DENND5A: variants seen among roughly 807,000 people sequenced by gnomAD.
DENND5A encodes DENN domain-containing protein 5A.
In DENND5A, 64 loss-of-function variants were observed where a neutral mutation model predicts 140.3. The ratio of observed to expected loss-of-function variants is 0.46; its 90% CI spans 0.37 to 0.56. The LOEUF is 0.56. Among genes scored for constraint, DENND5A ranks in the 20% least tolerant of loss-of-function variants. The pLI is 0.00. For missense variants in DENND5A, 1,292 were observed against 1,593.8 expected, an observed-to-expected ratio of 0.81 and a Z score of 3.22; for synonymous variants, 605 against 607.7, an observed-to-expected ratio of 1.00 and a Z score of 0.07.
At chr11:9,157,379 A>G (rs1248642441) in intron 12 of DENND5A, among the ~76,000 whole-genome samples, 1 of 152,184 alleles carries the variant, frequency 6.6e-6, no homozygotes, top group Non-Finnish European at 1.5e-5. Context: ...AGTTTGTTAT[A>G]TAGGTAAACT....
At chr11:9,248,456 G>C (rs144566839) in intron 1 of DENND5A, among the ~76,000 whole-genome samples, 2 of 151,888 alleles carry the variant, frequency 1.3e-5, no homozygotes, top group African/African-American at 2.4e-5. Flanking sequence ...TTCAAGACCA[G>C]CCTGGGCAAC....
intron 11 of DENND5A, 121 bp from the exon 12 acceptor site, chr11:9,160,986 C>G: frequency 1.1e-6 from 1 of 936,004 alleles, no homozygotes; most frequent in Non-Finnish European, 1.6e-6. Flanking sequence ...GATGAATTAG[C>G]CCCAAGGACA....
intron 12 of DENND5A, among the ~76,000 whole-genome samples, chr11:9,153,903 G>A (rs553629046): frequency 1.6e-4 from 25 of 152,288 alleles, no homozygotes; most frequent in Admixed American, 1.4e-3. Flanking sequence ...AATTCACCTG[G>A]GTAATGAGTG....
intron 1 of DENND5A, among the ~76,000 whole-genome samples, chr11:9,249,412 C>A (rs1430754357): frequency 1.3e-5 from 2 of 152,264 alleles, no homozygotes; most frequent in South Asian, 2.1e-4. Flanking sequence ...GCTGCCCAGG[C>A]TGGAATGCAG....
intron 12 of DENND5A, among the ~76,000 whole-genome samples, chr11:9,155,668 T>C: frequency 6.6e-6 from 1 of 152,238 alleles, no homozygotes. Context: ...TCTACAAGAA[T>C]GTCATAAGCA....
chr11:9,169,144 A>G (rs1217908269), intron 10 of DENND5A, among the ~76,000 whole-genome samples: 2 of 152,174 alleles, frequency 1.3e-5, no homozygotes, highest in East Asian at 3.8e-4. Flanking sequence ...AAAAAACTCT[A>G]ACAAAATTAA....
chr11:9,147,944 G>A (rs568520844), intron 15 of DENND5A, among the ~76,000 whole-genome samples: 7 of 152,284 alleles, frequency 4.6e-5, no homozygotes, highest in African/African-American at 1.4e-4. Flanking sequence ...GGCCAGACGG[G>A]TACAGAATTC....
chr11:9,139,842 T>A lies in DENND5A; in HGVS notation c.3693A>T (p.Leu1231=), dbSNP rs1847177042. The A allele has an allele frequency of 6.2e-7, 1 of 1,613,832 alleles. No individual in the cohort carries two copies. The highest frequency in any genetic ancestry group is 1.7e-5 in the Admixed American group (1 of 59,996). ...LVCLGARDHL[L]HHWIALLADC... Reference sequence around the variant, plus strand: ...CAGCCAGCAGGGCAATCCAGTGGTGTAGGAGGTGATCTCTGGCAGAGCGGG... The same window carrying A: ...CAGCCAGCAGGGCAATCCAGTGGTGAAGGAGGTGATCTCTGGCAGAGCGGG... The change falls in exon 23 of 23, where the codon CTA becomes CTT. Residue 1231 remains leucine, a synonymous_variant. Transcript: ENST00000328194.
At chr11:9,233,920 G>A (rs1273214767) in intron 1 of DENND5A, among the ~76,000 whole-genome samples, 12 of 152,188 alleles carry the variant, frequency 7.9e-5, no homozygotes, top group South Asian at 2.1e-4. Context: ...GCTCAGGCCT[G>A]TAATCCCAGC....
In DENND5A at chr11:9,147,066, C is replaced by T. The variant is rs755714912; in HGVS notation, c.2821G>A (p.Asp941Asn). ...AAGACATTGGTGAAGCAAAAGTAAT[C>T]GACGGCATTGAAAGACAGGAGGTGA... ...LYHLLSFNAV[D>N]YFCFTNVFTT... is the part of the protein sequence containing the mutation. Residue 941 changes from aspartate (D) to asparagine (N), a missense_variant, in exon 16 of 23, where the codon GAT becomes AAT. Around this residue, in one of 4 missense-constraint regions of DENND5A, gnomAD observed 498 missense variants for 689.7 expected, o/e 0.72. Coordinates refer to ENST00000328194, the MANE Select transcript of DENND5A (RefSeq NM_015213.4). 2.5e-6 allele frequency: 4 copies of T among 1,614,106 alleles called. No homozygotes were observed. The highest frequency in any genetic ancestry group is 2.2e-5 in the East Asian group (1 of 44,888).
intron 6 of DENND5A, among the ~76,000 whole-genome samples, chr11:9,180,189 C>T (rs2136175294): frequency 6.6e-6 from 1 of 152,124 alleles, no homozygotes; most frequent in South Asian, 2.1e-4. Flanking sequence ...CACGGTGGCT[C>T]ACACTTATAA....
Position 9,160,874 on chromosome 11 carries a change from A to G in DENND5A, c.2284-9T>C. 1 of 1,613,532 alleles carries G rather than the reference A, an allele frequency of 6.2e-7. No individual in the cohort carries two copies. Among genetic ancestry groups the G allele is most frequent in the South Asian group, 1.1e-5 (1 of 91,022 alleles). On this transcript the variant is annotated splice_polypyrimidine_tract_variant and intron_variant, in intron 11 of 22. Transcript: ENST00000328194. ...ACCAGCATCCTCTTGGTCTACAAGG[A>G]AGCAGTCAACAGGATTAAATAACCA...
At chr11:9,258,381 G>A (rs924728812) in intron 1 of DENND5A, among the ~76,000 whole-genome samples, 7 of 148,338 alleles carry the variant, frequency 4.7e-5, no homozygotes, top group African/African-American at 1.0e-4. Flanking sequence ...GTGGTGTTCC[G>A]TTTTCTGTTC....
rs772370380 is a variant in DENND5A, at chr11:9,180,809, C to A, written c.1413G>T (p.Arg471=). The change falls in exon 6 of 23, where the codon CGG becomes CGT. Residue 471 remains arginine, a synonymous_variant. Coordinates refer to ENST00000328194, the MANE Select transcript of DENND5A (RefSeq NM_015213.4). ...CAGTTCTCTTGACCAAGGCTTGCAG[C>A]CGGGCAATAGTTTCATTCTCCTTAA... ...ELLKENETIA[R]LQALVKRTGV... 1.2e-6 allele frequency: 2 copies of A among 1,614,194 alleles called. No homozygotes were observed. Among genetic ancestry groups the A allele is most frequent in the South Asian group, 2.2e-5 (2 of 91,078 alleles).
chr11:9,143,203 G>A (rs1847305946), intron 20 of DENND5A, 200 bp downstream of exon 20: 1 of 631,794 alleles, frequency 1.6e-6, no homozygotes, highest in Non-Finnish European at 2.8e-6. Context: ...CAGTATGGAG[G>A]GAAAACAGGG....
chr11:9,243,970 A>G (rs956941901), intron 1 of DENND5A, among the ~76,000 whole-genome samples: 1 of 152,230 alleles, frequency 6.6e-6, no homozygotes, highest in Non-Finnish European at 1.5e-5. Context: ...TATATAATAC[A>G]TTTAACATAC....
intron 8 of DENND5A, among the ~76,000 whole-genome samples, chr11:9,173,306 G>C (rs1033900445): frequency 2.0e-5 from 3 of 152,122 alleles, no homozygotes; most frequent in African/African-American, 7.2e-5. Flanking sequence ...ATGGAAGTAT[G>C]GATCTACAGA....
chr11:9,242,110 T>C (rs1851263314), intron 1 of DENND5A, among the ~76,000 whole-genome samples: 1 of 152,128 alleles, frequency 6.6e-6, no homozygotes, highest in Non-Finnish European at 1.5e-5. Flanking sequence ...CACAGCACTT[T>C]TCACTTCCTA....
chr11:9,176,857 A>G (rs1336836458), intron 8 of DENND5A: 2 of 456,198 alleles, frequency 4.4e-6, no homozygotes, highest in African/African-American at 2.0e-5. Context: ...GTTCACTTTC[A>G]CAGCTTCCCA....
Sources: allele counts gnomAD v4.1 joint callset (sites outside exome capture counted in the v4.1 genomes callset), GRCh38; gene constraint gnomAD v4.1.1; regional missense constraint gnomAD v4.1.1; transcripts MANE v1.5; gene names NCBI Gene and HGNC (gene_info 2026-07-23, HGNC 2026-07-21).